The following CEP128 variants were observed in gnomAD, a reference collection of about 807,000 sequenced individuals.
CEP128 encodes the protein centrosomal protein 128.
Under a neutral mutation model 156.7 loss-of-function variants are expected in CEP128, and 132 were observed. The observed-to-expected ratio is 0.84, with a 90% CI of 0.73 to 0.97. The LOEUF is 0.97. Ranked by LOEUF, CEP128 falls within the 50% of genes least tolerant of loss-of-function variation. The probability of loss-of-function intolerance (pLI) is 0.00; values close to 1 mark genes in which losing one functional copy is unlikely to be tolerated. For missense variants in CEP128, 1,252 were observed against 1,281.9 expected, an observed-to-expected ratio of 0.98 and a Z score of 0.36; for synonymous variants, 469 against 448.9, an observed-to-expected ratio of 1.04 and a Z score of -0.57.
intron 19 of CEP128, among the ~76,000 whole-genome samples, chr14:80,673,928 G>GA (rs1895960154): frequency 1.3e-5 from 2 of 151,884 alleles, no homozygotes; most frequent in Non-Finnish European, 2.9e-5. Context: ...TCCTTTATAG[G>GA]AAATTGTACC....
chr14:80,503,966 G>C (rs1887855183), intron 24 of CEP128, among the ~76,000 whole-genome samples: 1 of 152,076 alleles, frequency 6.6e-6, no homozygotes, highest in Non-Finnish European at 1.5e-5. Context: ...CTTTGGATTT[G>C]ACCTACTTCC....
chr14:80,699,759 C>A (rs1897009740), intron 19 of CEP128, among the ~76,000 whole-genome samples: 1 of 152,048 alleles, frequency 6.6e-6, no homozygotes, highest in Non-Finnish European at 1.5e-5. Flanking sequence ...AAGAGAAATT[C>A]TGTGATTTAT....
At chr14:80,576,081 T>G (rs1891341521) in intron 20 of CEP128, among the ~76,000 whole-genome samples, 1 of 151,348 alleles carries the variant, frequency 6.6e-6, no homozygotes, top group Non-Finnish European at 1.5e-5. Flanking sequence ...ATTTTAGGAT[T>G]CAGAAAGCAA....
At chr14:80,651,989 G>C (rs1318204431) in intron 19 of CEP128, among the ~76,000 whole-genome samples, 1 of 151,968 alleles carries the variant, frequency 6.6e-6, no homozygotes, top group Non-Finnish European at 1.5e-5. Flanking sequence ...TTTCTGTCTT[G>C]TTGATCTAAT....
chr14:80,669,309 T>C (rs1433379975), intron 19 of CEP128, among the ~76,000 whole-genome samples: 1 of 151,764 alleles, frequency 6.6e-6, no homozygotes, highest in African/African-American at 2.4e-5. Flanking sequence ...AAAACAAAAA[T>C]AGACAAATGG....
intron 21 of CEP128, among the ~76,000 whole-genome samples, chr14:80,545,553 G>A (rs1889945590): frequency 6.6e-6 from 1 of 152,114 alleles, no homozygotes; most frequent in African/African-American, 2.4e-5. Context: ...GAGCAAACTG[G>A]TCCTTGAAGT....
chr14:80,604,154 A>T (rs1003250790), intron 19 of CEP128, among the ~76,000 whole-genome samples: 1 of 152,166 alleles, frequency 6.6e-6, no homozygotes, highest in Non-Finnish European at 1.5e-5. Flanking sequence ...TTTCCCTTAC[A>T]GTGCCCAGAG....
At chr14:80,878,352 AC>A (rs1225720323) in intron 8 of CEP128, among the ~76,000 whole-genome samples, 5 of 152,120 alleles carry the variant, frequency 3.3e-5, no homozygotes, top group African/African-American at 1.2e-4. Flanking sequence ...TGTCTAAGCT[AC>A]TCAGGCACCT....
chr14:80,695,082 G>A (rs950279560), intron 19 of CEP128, among the ~76,000 whole-genome samples: 6 of 151,804 alleles, frequency 4.0e-5, no homozygotes, highest in African/African-American at 1.5e-4. Context: ...CAGTGGAGAT[G>A]TTTCCAAGGG....
At chr14:80,859,822 CCG>C (rs1443840591) in intron 9 of CEP128, among the ~76,000 whole-genome samples, 3 of 152,050 alleles carry the variant, frequency 2.0e-5, no homozygotes, top group Non-Finnish European at 4.4e-5. Context: ...ACCTAAGGAC[CCG>C]TGAGATAACA....
At chr14:80,484,506 G>A (rs1245630877) in intron 14 of CEP128, among the ~76,000 whole-genome samples, 9 of 152,138 alleles carry the variant, frequency 5.9e-5, no homozygotes, top group Non-Finnish European at 1.2e-4. Flanking sequence ...TTGGTAAAAG[G>A]CAGTATTGCT....
intron 19 of CEP128, among the ~76,000 whole-genome samples, chr14:80,609,012 T>C (rs948310601): frequency 3.3e-5 from 5 of 152,138 alleles, no homozygotes; most frequent in South Asian, 2.1e-4. Flanking sequence ...AAAATGTATA[T>C]TGAAGATTGA....
intron 19 of CEP128, among the ~76,000 whole-genome samples, chr14:80,626,235 C>A (rs1231094874): frequency 1.3e-5 from 2 of 151,550 alleles, no homozygotes; most frequent in East Asian, 3.9e-4. Context: ...GAGGCCGAGG[C>A]GGGTGGATCA....
intron 19 of CEP128, among the ~76,000 whole-genome samples, chr14:80,709,185 G>C (rs1052886275): frequency 2.0e-5 from 3 of 151,442 alleles, no homozygotes; most frequent in Non-Finnish European, 4.4e-5. Flanking sequence ...TGTCATCCAG[G>C]CTGACGTGCA....
chr14:80,819,702 T>C (rs550549349), intron 13 of CEP128, among the ~76,000 whole-genome samples: 49 of 152,294 alleles, frequency 3.2e-4, no homozygotes, highest in Non-Finnish European at 5.7e-4. Flanking sequence ...TCTATAATAC[T>C]GTCCATCCAT....
chr14:80,926,269 A>G (rs1594854615), intron 2 of CEP128, among the ~76,000 whole-genome samples: 2 of 152,170 alleles, frequency 1.3e-5, no homozygotes, highest in Admixed American at 1.3e-4. Context: ...ATGGCTTGGG[A>G]CAGTTTTGAG....
chr14:80,949,213 C>T (rs2217178), intron 2 of CEP128, among the ~76,000 whole-genome samples: 64,916 of 151,878 alleles, frequency 0.43, 14,222 homozygotes, highest in Middle Eastern at 0.53. Flanking sequence ...TTATGATTGC[C>T]ACAACTTACT....
chr14:80,787,745 C>T (rs1275289140), intron 14 of CEP128, among the ~76,000 whole-genome samples: 2 of 152,110 alleles, frequency 1.3e-5, no homozygotes, highest in Non-Finnish European at 2.9e-5. Flanking sequence ...AGTTGAGAGA[C>T]TTATAGGCAG....
chr14:80,583,293 T>C (rs1284698019), intron 19 of CEP128, among the ~76,000 whole-genome samples: 1 of 152,174 alleles, frequency 6.6e-6, no homozygotes, highest in Non-Finnish European at 1.5e-5. Context: ...GACCATCTTG[T>C]ATAAAGGGTA....
Sources: gnomAD v4.1 joint callset for allele counts (sites outside exome capture counted in the v4.1 genomes callset) on GRCh38, gnomAD v4.1.1 for gene constraint, MANE v1.5 for transcripts, NCBI Gene and HGNC (gene_info 2026-07-23, HGNC 2026-07-21) for gene names.